PCSK5: variants seen among roughly 807,000 people sequenced by gnomAD.
The protein encoded by PCSK5 is prohormone convertase 5.
Under a neutral mutation model 233.2 loss-of-function variants are expected in PCSK5, and 129 were observed. The ratio of observed to expected loss-of-function variants is 0.55; its 90% CI spans 0.48 to 0.64. The LOEUF (loss-of-function observed/expected upper bound fraction) is 0.64, where lower values mean the gene tolerates loss of function less well. Ranked by LOEUF, PCSK5 falls within the 30% of genes least tolerant of loss-of-function variation. The pLI is 0.00. For synonymous variants in PCSK5, 825 were observed against 879.2 expected (o/e 0.94, Z 1.09); for missense variants, 2,076 against 2,430.1 (o/e 0.85, Z 3.06).
chr9:76,004,312 G>A (rs1827387364), intron 3 of PCSK5, among the ~76,000 whole-genome samples: 1 of 152,016 alleles, frequency 6.6e-6, no homozygotes, highest in African/African-American at 2.4e-5. Flanking sequence ...AATCTACCTA[G>A]GGTAAGACTG....
chr9:76,093,042 A>G lies in PCSK5; in HGVS notation c.895-2848A>G, dbSNP rs1046365546. Among the ~76,000 whole-genome samples the G allele has an allele frequency of 5.9e-4, 88 of 149,886 alleles. 2 individuals are homozygous for G. Among genetic ancestry groups the G allele is most frequent in the Admixed American group, 2.7e-4 (4 of 15,088 alleles). ...TTATGGTATGCATGGAAATGTATGC[A>G]TATAGACTTCTTTACACACGCCCTT... is the stretch of plus-strand genomic sequence containing the variant. On this transcript the variant is annotated intron_variant, in intron 7 of 37. Transcript: ENST00000674117.
At chr9:76,197,927 C>T (rs1185196679) in intron 20 of PCSK5, among the ~76,000 whole-genome samples, 2 of 152,224 alleles carry the variant, frequency 1.3e-5, no homozygotes, top group South Asian at 2.1e-4. Flanking sequence ...ACATATTTAG[C>T]AGGGCATAGC....
chr9:76,066,054 T>G (rs1285240584), intron 5 of PCSK5, among the ~76,000 whole-genome samples: 1 of 152,164 alleles, frequency 6.6e-6, no homozygotes, highest in Non-Finnish European at 1.5e-5. Context: ...TTTCTACACC[T>G]TTTAGTATAT....
intron 2 of PCSK5, among the ~76,000 whole-genome samples, chr9:75,943,747 A>G (rs551336513): frequency 6.6e-6 from 1 of 152,364 alleles, no homozygotes; most frequent in African/African-American, 2.4e-5. Context: ...GTAATGCAAT[A>G]TAATGAACTG....
chr9:76,332,249 C>A (rs1055133704), intron 33 of PCSK5, among the ~76,000 whole-genome samples, 184 bp from the exon 34 acceptor site: 1 of 152,160 alleles, frequency 6.6e-6, no homozygotes, highest in African/African-American at 2.4e-5. Flanking sequence ...TTCCTCATGG[C>A]CTTAGGGCAA....
intron 7 of PCSK5, among the ~76,000 whole-genome samples, chr9:76,086,152 G>T (rs1831053321): frequency 6.6e-6 from 1 of 152,148 alleles, no homozygotes; most frequent in Non-Finnish European, 1.5e-5. Context: ...CTTTGCTCTG[G>T]GATGAACCAA....
At chr9:75,966,064 G>A (rs372466056) in intron 2 of PCSK5, among the ~76,000 whole-genome samples, 1 of 152,084 alleles carries the variant, frequency 6.6e-6, no homozygotes, top group East Asian at 1.9e-4. Flanking sequence ...CACACTTCAG[G>A]GTGTGTTGCC....
At chr9:76,008,167 G>C (rs1421820717) in intron 3 of PCSK5, among the ~76,000 whole-genome samples, 1 of 151,970 alleles carries the variant, frequency 6.6e-6, no homozygotes, top group Non-Finnish European at 1.5e-5. Context: ...CTTTTCTGCT[G>C]TCTCTATCTG....
chr9:76,213,055 C>T (rs1410589124), intron 20 of PCSK5, among the ~76,000 whole-genome samples: 3 of 152,214 alleles, frequency 2.0e-5, no homozygotes, highest in Non-Finnish European at 4.4e-5. Flanking sequence ...GAGCAGAGAA[C>T]TAGGCAGGAC....
At chr9:75,908,098 T>C (rs1822483826) in intron 1 of PCSK5, among the ~76,000 whole-genome samples, 1 of 152,186 alleles carries the variant, frequency 6.6e-6, no homozygotes, top group Non-Finnish European at 1.5e-5. Flanking sequence ...TCCTTGGAGA[T>C]AGGAAACAAA....
Position 75,927,067 on chromosome 9 carries a change from A to G in PCSK5, c.193-5312A>G, listed in dbSNP as rs12685338. ...TTTTCCAAAGACGTTGAACAATTTT[A>G]TACTCCTATTAGCAATATATGAGAA... On this transcript the variant is annotated intron_variant, in intron 1 of 37. Transcript: ENST00000674117. 9.2e-4 allele frequency among the ~76,000 whole-genome samples: 140 copies of G among 152,322 alleles called. 2 individuals carry two copies. The East Asian group carries it at 0.025, about 27-fold the overall frequency.
intron 35 of PCSK5, among the ~76,000 whole-genome samples, chr9:76,348,220 C>A (rs1392960897): frequency 1.3e-5 from 2 of 152,136 alleles, no homozygotes; most frequent in African/African-American, 4.8e-5. Flanking sequence ...ACCAGCCTAG[C>A]CAACATGGTG....
Position 76,038,990 on chromosome 9 carries a change from G to A in PCSK5, c.632+11953G>A, listed in dbSNP as rs117599060. 9.3e-3 allele frequency among the ~76,000 whole-genome samples: 1,415 copies of A among 152,248 alleles called. 7 individuals are homozygous for A. The highest frequency in any genetic ancestry group is 0.058 in the Middle Eastern group (17 of 294). On this transcript the variant is annotated intron_variant, in intron 5 of 37. Transcript: ENST00000674117. ...AGAACCACATTCCACAACATGGAGC[G>A]CGGGAACAATACCAATTTCACTGTT... is the stretch of plus-strand genomic sequence containing the variant.
chr9:75,961,279 G>A lies in PCSK5; in HGVS notation c.298-24853G>A, dbSNP rs761301084. On this transcript the variant is annotated intron_variant, in intron 2 of 37. Coordinates refer to ENST00000674117, the MANE Select transcript of PCSK5 (RefSeq NM_001372043.1). ...CAAAATGCCACTCACTTGCTACAAA[G>A]TGATTTAAGCTCCTGAGGAAATCTA... 6.9e-4 allele frequency among the ~76,000 whole-genome samples: 105 copies of A among 152,194 alleles called. 2 individuals are homozygous for A. Among genetic ancestry groups the A allele is most frequent in the Admixed American group, 2.4e-3 (37 of 15,284 alleles).
In PCSK5 at chr9:76,088,930, ATTTT is replaced by A. The variant is rs5898449; in HGVS notation, c.895-6945_895-6942del. Among the ~76,000 whole-genome samples the A allele has an allele frequency of 5.0e-4, 70 of 140,140 alleles. 1 individual carries two copies. Among genetic ancestry groups the A allele is most frequent in the African/African-American group, 1.7e-3 (66 of 38,392 alleles). 91.9% of individuals were successfully genotyped at this position (140,140 alleles called of 152,430 possible). A position where few individuals can be genotyped will look rare whatever the true frequency, so the allele number is the denominator to read the frequency against. On this transcript the variant is annotated intron_variant, in intron 7 of 37. Coordinates refer to ENST00000674117, the MANE Select transcript of PCSK5 (RefSeq NM_001372043.1). Reference sequence around the variant, plus strand: ...TTGGTGGTGTTCGTGAGGTTTTTTAATTTTTTTTTTTTTTTTTTGGTCTTTACAT... The same window carrying A: ...TTGGTGGTGTTCGTGAGGTTTTTTAATTTTTTTTTTTTTTGGTCTTTACAT...
intron 1 of PCSK5, among the ~76,000 whole-genome samples, chr9:75,916,234 A>G (rs554362970): frequency 6.6e-6 from 1 of 152,366 alleles, no homozygotes; most frequent in East Asian, 1.9e-4. Flanking sequence ...TTTAGGTTTA[A>G]TATAGTATGG....
At chr9:75,959,967 C>T (rs1825270218) in intron 2 of PCSK5, among the ~76,000 whole-genome samples, 1 of 152,140 alleles carries the variant, frequency 6.6e-6, no homozygotes, top group African/African-American at 2.4e-5. Flanking sequence ...AATTCCTATT[C>T]TATGTAGGGC....
At chr9:76,289,470 CA>C in intron 24 of PCSK5, among the ~76,000 whole-genome samples, 3 of 34,874 alleles carry the variant, frequency 8.6e-5, no homozygotes, top group African/African-American at 2.2e-4. Context: ...TTCCCCTCAC[CA>C]CACACACACA....
At chr9:76,029,156 G>T (rs1264553242) in intron 5 of PCSK5, among the ~76,000 whole-genome samples, 1 of 152,078 alleles carries the variant, frequency 6.6e-6, no homozygotes, top group African/African-American at 2.4e-5. Flanking sequence ...CATACTTAAC[G>T]CAGGCCAGGC....
Sources: allele counts gnomAD v4.1 joint callset (sites outside exome capture counted in the v4.1 genomes callset), GRCh38; gene constraint gnomAD v4.1.1; transcripts MANE v1.5; gene names NCBI Gene and HGNC (gene_info 2026-07-23, HGNC 2026-07-21).